IQSEC1: variants seen among roughly 807,000 people sequenced by gnomAD.
The protein encoded by IQSEC1 is IQ motif and SEC7 domain-containing protein 1.
A neutral mutation model predicts 91.0 loss-of-function variants in IQSEC1; 31 were observed. The ratio of observed to expected loss-of-function variants is 0.34; its 90% CI spans 0.26 to 0.46. The LOEUF is 0.46. Ranked by LOEUF, IQSEC1 falls within the 20% of genes least tolerant of loss-of-function variation. The pLI, the probability that IQSEC1 is intolerant of heterozygous loss-of-function variation, is 1.00. For synonymous variants in IQSEC1, 699 were observed against 662.6 expected (o/e 1.05, Z -0.84); for missense variants, 1,388 against 1,575.6 (o/e 0.88, Z 2.02).
chr3:13,184,894 G>C (rs376777788), intron 1 of IQSEC1, among the ~76,000 whole-genome samples: 1 of 152,206 alleles, frequency 6.6e-6, no homozygotes, highest in African/African-American at 2.4e-5. Flanking sequence ...CAGGGGACAG[G>C]ATGGGGAAAA....
intron 2 of IQSEC1, among the ~76,000 whole-genome samples, chr3:13,136,239 C>T (rs926203652): frequency 2.0e-5 from 3 of 152,344 alleles, no homozygotes; most frequent in South Asian, 2.1e-4. Context: ...AGGACAACTG[C>T]GTGTCCACGT....
chr3:13,017,487 G>C (rs1344220099), intron 1 of IQSEC1, among the ~76,000 whole-genome samples: 1 of 152,194 alleles, frequency 6.6e-6, no homozygotes, highest in African/African-American at 2.4e-5. Context: ...GACAAGTGCT[G>C]CCCTGTGGTG....
At chr3:12,960,416 C>G (rs1347784619) in intron 1 of IQSEC1, 1 of 152,226 alleles carries the variant, frequency 6.6e-6, no homozygotes. Context: ...GAACCCAATG[C>G]TGCCACTGGA....
chr3:12,897,090 A>AGTC lies in IQSEC1; in HGVS notation c.*3890_*3892dup, dbSNP rs1453825828. The AGTC allele has an allele frequency of 1.3e-5, 2 of 152,304 alleles. No individual in the cohort carries two copies. Among genetic ancestry groups the AGTC allele is most frequent in the East Asian group, 3.9e-4 (2 of 5,188 alleles). The allele number at this position is 152,304 out of a possible 1,614,324, so 9.4% of individuals were successfully genotyped here. A position where few individuals can be genotyped will look rare whatever the true frequency, so the allele number is the denominator to read the frequency against. ...TTTTAAATTTTGTATCAGTGTCCTCAGTCAGTCCAATGTCTTCAAGGAAAG... is the reference window on the plus strand; with the variant it reads ...TTTTAAATTTTGTATCAGTGTCCTCAGTCGTCAGTCCAATGTCTTCAAGGAAAG... On this transcript the variant is annotated 3_prime_UTR_variant, in exon 14 of 14. Transcript: ENST00000613206.
intron 2 of IQSEC1, among the ~76,000 whole-genome samples, chr3:13,125,325 C>T (rs1706495330): frequency 6.6e-6 from 1 of 152,198 alleles, no homozygotes; most frequent in Non-Finnish European, 1.5e-5. Context: ...CCTTCCCTGA[C>T]CTCCCACCCC....
chr3:12,899,781 G>A lies in IQSEC1; in HGVS notation c.*1202C>T, dbSNP rs1694041356. On this transcript the variant is annotated 3_prime_UTR_variant, in exon 14 of 14. Coordinates refer to ENST00000613206, the MANE Select transcript of IQSEC1 (RefSeq NM_001134382.3). ...ACCTTCAGGTTCGAGAGTGGTTCCT[G>A]ATGAAAACACTCTCTGAGGGCTTCG... is the stretch of plus-strand genomic sequence containing the variant. 1 of 985,282 alleles carries A rather than the reference G, an allele frequency of 1.0e-6. No individual in the cohort carries two copies. Among genetic ancestry groups the A allele is most frequent in the African/African-American group, 1.7e-5 (1 of 57,240 alleles). 61.0% of individuals were successfully genotyped at this position (985,282 alleles called of 1,614,324 possible). A position where few individuals can be genotyped will look rare whatever the true frequency, so the allele number is the denominator to read the frequency against.
chr3:13,125,867 G>A (rs1198319675), intron 2 of IQSEC1, among the ~76,000 whole-genome samples: 3 of 152,154 alleles, frequency 2.0e-5, no homozygotes, highest in East Asian at 3.9e-4. Flanking sequence ...CTCCCAGTGC[G>A]GTCCTGCTAA....
chr3:13,260,776 G>A (rs1036033828), intron 1 of IQSEC1, among the ~76,000 whole-genome samples: 2 of 152,216 alleles, frequency 1.3e-5, no homozygotes, highest in African/African-American at 4.8e-5. Flanking sequence ...GGCGTGGAAG[G>A]AGAAAGCCAC....
chr3:13,090,368 C>T (rs1317309914), intron 2 of IQSEC1, among the ~76,000 whole-genome samples: 3 of 152,060 alleles, frequency 2.0e-5, no homozygotes, highest in Non-Finnish European at 2.9e-5. Flanking sequence ...CCTGGAATAC[C>T]ACCGGTATTT....
At chr3:12,927,197 C>T (rs1697220709) in intron 3 of IQSEC1, among the ~76,000 whole-genome samples, 1 of 152,160 alleles carries the variant, frequency 6.6e-6, no homozygotes, top group Admixed American at 6.5e-5. Context: ...TTTTCTTTGG[C>T]CCACACACTG....
chr3:13,076,827 A>G (rs1705569849), upstream of IQSEC1, among the ~76,000 whole-genome samples: 2 of 152,196 alleles, frequency 1.3e-5, no homozygotes, highest in Admixed American at 1.3e-4. Flanking sequence ...CTCTTTAAAC[A>G]AAATAAAGCC....
intron 1 of IQSEC1, among the ~76,000 whole-genome samples, chr3:13,225,843 C>A (rs1020814814): frequency 3.3e-5 from 5 of 152,014 alleles, no homozygotes; most frequent in African/African-American, 7.3e-5. Flanking sequence ...GTGCAAGAAG[C>A]AGCTAGAAAG....
chr3:12,953,795 A>G (rs183022231), intron 1 of IQSEC1, among the ~76,000 whole-genome samples: 42 of 152,326 alleles, frequency 2.8e-4, no homozygotes, highest in African/African-American at 9.9e-4. Context: ...CAGTAACATT[A>G]TGGGCTAGAG....
intron 1 of IQSEC1, among the ~76,000 whole-genome samples, chr3:13,198,256 G>A (rs572863418): frequency 1.3e-5 from 2 of 152,188 alleles, no homozygotes; most frequent in East Asian, 3.9e-4. Context: ...TGCTTGTTAT[G>A]GCCCATTTGT....
upstream of IQSEC1, among the ~76,000 whole-genome samples, chr3:13,074,551 C>G (rs532752758): frequency 3.5e-4 from 53 of 152,272 alleles, no homozygotes; most frequent in South Asian, 0.011. Flanking sequence ...TCAAGACAAC[C>G]CCAATGAGGC....
intron 2 of IQSEC1, among the ~76,000 whole-genome samples, chr3:13,100,782 G>T (rs1445701921): frequency 2.0e-5 from 3 of 148,962 alleles, no homozygotes; most frequent in Non-Finnish European, 3.0e-5. Context: ...CATGGGGATT[G>T]AGCAGTAAGT....
In IQSEC1 at chr3:12,983,781, G is replaced by A. The variant is rs1481920816; in HGVS notation, c.24-41916C>T. Among the ~76,000 whole-genome samples, 4 of 152,112 alleles carry A rather than the reference G, an allele frequency of 2.6e-5. No homozygotes were observed. The highest frequency in any genetic ancestry group is 6.6e-5 in the Admixed American group (1 of 15,266). On this transcript the variant is annotated intron_variant, in intron 1 of 13. Coordinates refer to ENST00000613206, the MANE Select transcript of IQSEC1 (RefSeq NM_001134382.3). This position sits in a 1 kb window ranked among gnomAD's most constrained non-coding sequence, Gnocchi z 4.3. ...CGTGAGGATAAGAATAAGGTTGTCC[G>A]ACATACCCCACTTATGCCCAGCCTC...
intron 1 of IQSEC1, among the ~76,000 whole-genome samples, chr3:13,015,301 T>C (rs1703070859): frequency 6.6e-6 from 1 of 152,076 alleles, no homozygotes; most frequent in African/African-American, 2.4e-5. Context: ...TTCTCAACCC[T>C]AATGGGGCCT....
chr3:12,911,723 G>C lies in IQSEC1; in HGVS notation c.2322C>G (p.Thr774=). Residue 774 remains threonine (T), a synonymous_variant, in exon 10 of 14, where the codon ACC becomes ACG. Transcript: ENST00000613206. ...IFLFNDLLVV[T]KIFQKKKNSV... ...AGTTCTTCTTCTTCTGGAAGATCTT[G>C]GTGACCTAGAGGCAGCCAGAGACAG... The C allele has an allele frequency of 1.2e-6, 2 of 1,611,610 alleles. No individual in the cohort carries two copies. The highest frequency in any genetic ancestry group is 1.7e-6 in the Non-Finnish European group (2 of 1,179,002).
Sources: allele counts gnomAD v4.1 joint callset (sites outside exome capture counted in the v4.1 genomes callset), GRCh38; gene constraint gnomAD v4.1.1; non-coding constraint Gnocchi (gnomAD v3.1); transcripts MANE v1.5; gene names NCBI Gene and HGNC (gene_info 2026-07-23, HGNC 2026-07-21).